CACNA2D3: variants seen among roughly 807,000 people sequenced by gnomAD.
CACNA2D3 encodes the protein calcium voltage-gated channel auxiliary subunit alpha2delta 3, also known as voltage-dependent calcium channel subunit alpha-2/delta-3.
In CACNA2D3, 60 loss-of-function variants were observed where a neutral mutation model predicts 160.6. The ratio of observed to expected loss-of-function variants is 0.37; its 90% CI spans 0.30 to 0.46. The LOEUF (loss-of-function observed/expected upper bound fraction) is 0.46. Among genes scored for constraint, CACNA2D3 ranks in the 20% least tolerant of loss-of-function variants. The pLI, the probability that CACNA2D3 is intolerant of heterozygous loss-of-function variation, is 1.00. For synonymous variants in CACNA2D3, 558 were observed against 492.9 expected, an observed-to-expected ratio of 1.13 and a Z score of -1.75; for missense variants, 1,205 against 1,365.0, an observed-to-expected ratio of 0.88 and a Z score of 1.85.
intron 4 of CACNA2D3, among the ~76,000 whole-genome samples, chr3:54,459,515 A>G (rs903314384): frequency 9.2e-5 from 14 of 151,958 alleles, no homozygotes; most frequent in African/African-American, 1.4e-4. Flanking sequence ...CATTTCTCTG[A>G]TGGCCAGTGA....
chr3:54,894,776 G>C (rs536288454), intron 25 of CACNA2D3: 1 of 426,858 alleles, frequency 2.3e-6, no homozygotes, highest in African/African-American at 2.0e-5. Context: ...AAATGAAAAG[G>C]CTAAAATTTC....
chr3:54,822,820 TTTC>T (rs1260681767), intron 14 of CACNA2D3, among the ~76,000 whole-genome samples: 3,175 of 111,598 alleles, frequency 0.028, 158 homozygotes, highest in Admixed American at 0.036. Flanking sequence ...TCTTTCTTTC[TTTC>T]TTTCTTTCTT....
At chr3:54,291,806 A>G (rs182952649) in intron 2 of CACNA2D3, among the ~76,000 whole-genome samples, 1 of 152,276 alleles carries the variant, frequency 6.6e-6, no homozygotes, top group African/African-American at 2.4e-5. Flanking sequence ...AGTCTAGGGA[A>G]GGAACATTTA....
intron 27 of CACNA2D3, among the ~76,000 whole-genome samples, chr3:54,917,821 ATCT>A (rs1700699360): frequency 6.6e-6 from 1 of 152,152 alleles, no homozygotes; most frequent in Non-Finnish European, 1.5e-5. Context: ...CGGACATGGA[ATCT>A]TCTTCTTCCT....
At chr3:54,258,433 G>T (rs1335870015) in intron 2 of CACNA2D3, among the ~76,000 whole-genome samples, 2 of 152,168 alleles carry the variant, frequency 1.3e-5, no homozygotes, top group African/African-American at 2.4e-5. Flanking sequence ...ACCCAAATCT[G>T]TAAGGCAGTG....
intron 29 of CACNA2D3, among the ~76,000 whole-genome samples, chr3:54,975,632 C>T (rs1289902331): frequency 6.6e-6 from 1 of 152,050 alleles, no homozygotes; most frequent in Non-Finnish European, 1.5e-5. Context: ...TGTTCTCTTC[C>T]CATCATTGTT....
chr3:54,557,015 C>T (rs958815668), intron 5 of CACNA2D3, among the ~76,000 whole-genome samples: 23 of 151,740 alleles, frequency 1.5e-4, no homozygotes, highest in African/African-American at 5.6e-4. Flanking sequence ...ATGAAAGCTC[C>T]ATCTATTTTT....
At chr3:54,541,139 T>C (rs540237110) in intron 5 of CACNA2D3, among the ~76,000 whole-genome samples, 80 of 150,432 alleles carry the variant, frequency 5.3e-4, no homozygotes, top group Non-Finnish European at 9.3e-4. Context: ...TAGCCGGGCG[T>C]GGTGGCGGGC....
intron 9 of CACNA2D3, among the ~76,000 whole-genome samples, chr3:54,594,107 C>G (rs1333460347): frequency 6.6e-6 from 1 of 152,146 alleles, no homozygotes; most frequent in African/African-American, 2.4e-5. Flanking sequence ...AAACATTTTT[C>G]ATTAATCTCC....
At chr3:54,487,350 A>G (rs1559495546) in intron 4 of CACNA2D3, among the ~76,000 whole-genome samples, 1 of 152,168 alleles carries the variant, frequency 6.6e-6, no homozygotes, top group Admixed American at 6.5e-5. Flanking sequence ...CTTGGGTGAC[A>G]GAGCAAGACC....
At chr3:54,681,816 T>C (rs1303926267) in intron 11 of CACNA2D3, among the ~76,000 whole-genome samples, 1 of 152,082 alleles carries the variant, frequency 6.6e-6, no homozygotes, top group African/African-American at 2.4e-5. Flanking sequence ...GGAGCTGAGA[T>C]TGCAGGCAGG....
chr3:54,859,972 G>GCGCGCACACACACACACACACACA (rs535185040), intron 17 of CACNA2D3, among the ~76,000 whole-genome samples: 1 of 133,884 alleles, frequency 7.5e-6, no homozygotes, highest in Admixed American at 7.4e-5. Context: ...GAAAGTAGAT[G>GCGCGCACACACACACACACACACA]CACACACACA....
chr3:54,283,638 A>ATG (rs1491145373), intron 2 of CACNA2D3, among the ~76,000 whole-genome samples: 3 of 152,130 alleles, frequency 2.0e-5, no homozygotes, highest in African/African-American at 4.8e-5. Context: ...AGCAAGTGCA[A>ATG]TGTGTGTGTG....
chr3:54,152,297 G>C (rs2107284471), intron 2 of CACNA2D3, among the ~76,000 whole-genome samples: 1 of 152,342 alleles, frequency 6.6e-6, no homozygotes, highest in African/African-American at 2.4e-5. Context: ...CGCCACACCT[G>C]TGGATTTCGA....
At chr3:54,716,326 G>A (rs1701049182) in intron 11 of CACNA2D3, among the ~76,000 whole-genome samples, 1 of 152,102 alleles carries the variant, frequency 6.6e-6, no homozygotes, top group African/African-American at 2.4e-5. Flanking sequence ...ACAGTAGTAT[G>A]TGTGGCCGAT....
chr3:54,304,226 C>A (rs546711596), intron 2 of CACNA2D3, among the ~76,000 whole-genome samples: 81 of 152,160 alleles, frequency 5.3e-4, no homozygotes, highest in African/African-American at 1.8e-3. Context: ...CAGAATGGTC[C>A]CTGGTTGAGG....
At chr3:54,167,329 C>T (rs1259023713) in intron 2 of CACNA2D3, among the ~76,000 whole-genome samples, 1 of 152,190 alleles carries the variant, frequency 6.6e-6, no homozygotes, top group African/African-American at 2.4e-5. Context: ...TGCAAAGGCA[C>T]TGATTGGACC....
At chr3:54,170,670 C>G (rs1334434784) in intron 2 of CACNA2D3, among the ~76,000 whole-genome samples, 1 of 152,150 alleles carries the variant, frequency 6.6e-6, no homozygotes, top group Non-Finnish European at 1.5e-5. Context: ...TCAGCAATAT[C>G]AGCCAAGGGC....
intron 2 of CACNA2D3, among the ~76,000 whole-genome samples, chr3:54,185,350 C>G (rs889875498): frequency 1.3e-5 from 2 of 151,998 alleles, no homozygotes; most frequent in Non-Finnish European, 2.9e-5. Flanking sequence ...TTGAGAAATT[C>G]TACTTTAATT....
Sources: allele counts gnomAD v4.1 joint callset (sites outside exome capture counted in the v4.1 genomes callset), GRCh38; gene constraint gnomAD v4.1.1; transcripts MANE v1.5; gene names NCBI Gene and HGNC (gene_info 2026-07-23, HGNC 2026-07-21).